The following DCHS2 variants were observed in gnomAD, a reference collection of about 807,000 sequenced individuals.
DCHS2 encodes the protein dachsous cadherin-related 2, also known as protocadherin-23.
In DCHS2, 142 loss-of-function variants were observed where a neutral mutation model predicts 182.4. The ratio of observed to expected loss-of-function variants is 0.78; its 90% CI spans 0.68 to 0.89. DCHS2 has a LOEUF of 0.89. DCHS2 is among the 40% of genes least tolerant of loss of function. DCHS2 has a pLI of 0.00. For synonymous variants in DCHS2, 1,740 were observed against 1,663.3 expected (o/e 1.05, Z -1.12); for missense variants, 4,319 against 4,198.6 (o/e 1.03, Z -0.79).
intron 1 of DCHS2, among the ~76,000 whole-genome samples, chr4:154,455,044 A>G (rs778117228): frequency 6.6e-6 from 1 of 152,254 alleles, no homozygotes; most frequent in African/African-American, 2.4e-5. Flanking sequence ...AAAATGTTAA[A>G]TAAGAAAAAT....
At position 154,322,465 on chromosome 4, in the gene DCHS2, T is replaced by C. The variant is rs751922561; in HGVS notation, c.4042A>G (p.Ile1348Val). 8 of 1,612,986 alleles carry C rather than the reference T, an allele frequency of 5.0e-6. No homozygotes were observed. The Admixed American group carries it at 1.3e-4, about 27-fold the overall frequency. The stretch of plus-strand genomic sequence containing the variant: ...CTTATTTCACCATTGTTGGCGTCAA[T>C]CTTAAAGTGATCAGAACTATCTTCT... ...SSEDSSDHFK[I>V]DANNGEIRTT... The change falls in exon 8 of 20, where the codon ATT becomes GTT. Residue 1348 changes from isoleucine (I) to valine (V), a missense_variant. Physicochemically the swap from Ile to Val is conservative, Grantham distance 29. Coordinates refer to ENST00000357232, the MANE Select transcript of DCHS2 (RefSeq NM_001358235.2).
At chr4:154,451,926 C>T (rs112930250) in intron 1 of DCHS2, among the ~76,000 whole-genome samples, 4 of 152,172 alleles carry the variant, frequency 2.6e-5, no homozygotes, top group Non-Finnish European at 4.4e-5. Context: ...TTGTGTCCCA[C>T]GTGCATGCTC....
rs1728714121 is a variant in DCHS2, at chr4:154,489,537, C to T, written c.1819G>A (p.Ala607Thr). ...VHTAECGPSF[A>T]IDSESGAIST... is the part of the protein sequence containing the mutation. The stretch of plus-strand genomic sequence containing the variant: ...ATCGCACCGCTTTCGGAATCAATGG[C>T]AAAAGATGGTCCACACTCTGCGGTG... Residue 607 changes from alanine (A) to threonine (T), a missense_variant, in exon 1 of 20, where the codon GCC (alanine) becomes ACC (threonine). By Grantham distance (58) the Ala-to-Thr change is moderately conservative. Coordinates refer to ENST00000357232, the MANE Select transcript of DCHS2 (RefSeq NM_001358235.2). 7.7e-6 allele frequency: 12 copies of T among 1,551,522 alleles called. No individual in the cohort carries two copies. Among genetic ancestry groups the T allele is most frequent in the Non-Finnish European group, 1.0e-5 (12 of 1,146,974 alleles).
intron 1 of DCHS2, among the ~76,000 whole-genome samples, chr4:154,417,089 C>A (rs1463349478): frequency 2.0e-4 from 30 of 151,388 alleles, no homozygotes; most frequent in Admixed American, 2.0e-3. Context: ...CTGTGAGAAG[C>A]CACACAAACG....
chr4:154,449,518 G>A (rs564028268), intron 1 of DCHS2, among the ~76,000 whole-genome samples: 8 of 151,936 alleles, frequency 5.3e-5, no homozygotes, highest in East Asian at 3.9e-4. Flanking sequence ...CTACAGGTGC[G>A]TGCCACCACA....
intron 1 of DCHS2, among the ~76,000 whole-genome samples, chr4:154,450,534 T>A (rs1734487944): frequency 6.6e-6 from 1 of 152,224 alleles, no homozygotes; most frequent in South Asian, 2.1e-4. Context: ...AATGCATCCA[T>A]CAAAAATTTA....
At chr4:154,429,908 T>C (rs905029045) in intron 1 of DCHS2, among the ~76,000 whole-genome samples, 4 of 152,158 alleles carry the variant, frequency 2.6e-5, no homozygotes, top group Non-Finnish European at 5.9e-5. Flanking sequence ...TGTGCCTCAG[T>C]TTCCACATCT....
At chr4:154,409,163 T>G (rs984746574) in intron 1 of DCHS2, among the ~76,000 whole-genome samples, 1 of 152,136 alleles carries the variant, frequency 6.6e-6, no homozygotes, top group Non-Finnish European at 1.5e-5. Flanking sequence ...CCTGTTTCCC[T>G]GGAAGTGGAG....
chr4:154,438,860 G>T (rs9884574), intron 1 of DCHS2, among the ~76,000 whole-genome samples: 69,877 of 151,962 alleles, frequency 0.46, 16,567 homozygotes, highest in Middle Eastern at 0.68. Flanking sequence ...CAAACACTCT[G>T]GTCATTAATC....
intron 1 of DCHS2, among the ~76,000 whole-genome samples, chr4:154,432,710 C>T (rs1386970900): frequency 2.0e-5 from 3 of 152,104 alleles, no homozygotes; most frequent in Non-Finnish European, 4.4e-5. Context: ...GCCCCAGATC[C>T]AGTCCTAACC....
chr4:154,408,665 G>C (rs1474396491), intron 1 of DCHS2, among the ~76,000 whole-genome samples: 1 of 152,106 alleles, frequency 6.6e-6, no homozygotes, highest in Non-Finnish European at 1.5e-5. Flanking sequence ...CTAAAGGAGA[G>C]TGCTGGAGTA....
Position 154,333,393 on chromosome 4 carries a change from C to T in DCHS2, c.2815G>A (p.Asp939Asn), listed in dbSNP as rs375834055. 6.2e-7 allele frequency: 1 copy of T among 1,613,972 alleles called. No homozygotes were observed. Among genetic ancestry groups the T allele is most frequent in the African/African-American group, 1.3e-5 (1 of 74,912 alleles). ...ACAACCACGGGCTGCGTCTCGTGAT[C>T]CAGGGGCTTCCGGGTGCGAATAGTG... ...LGTIRTRKPLDHETQPVVVLT... is the reference protein window; with the variant it reads ...LGTIRTRKPLNHETQPVVVLT... Residue 939 changes from aspartate to asparagine, a missense_variant, in exon 5 of 20, where the codon GAT becomes AAT. Asp to Asn is a conservative substitution (Grantham distance 23, BLOSUM62 1). Coordinates refer to ENST00000357232, the MANE Select transcript of DCHS2 (RefSeq NM_001358235.2).
chr4:154,268,307 G>A (rs1215914676), intron 14 of DCHS2, among the ~76,000 whole-genome samples: 2 of 149,626 alleles, frequency 1.3e-5, no homozygotes, highest in Admixed American at 6.7e-5. Flanking sequence ...TACTACACTC[G>A]TGCTTTGGGG....
chr4:154,434,299 A>G (rs1267664727), intron 1 of DCHS2, among the ~76,000 whole-genome samples: 1 of 152,132 alleles, frequency 6.6e-6, no homozygotes, highest in Non-Finnish European at 1.5e-5. Flanking sequence ...GTGTGCACCT[A>G]TAGCCCCAGC....
At chr4:154,309,185 A>G (rs541176455) in intron 10 of DCHS2, among the ~76,000 whole-genome samples, 3 of 152,214 alleles carry the variant, frequency 2.0e-5, no homozygotes, top group African/African-American at 4.8e-5. Context: ...AGTTCTTCAC[A>G]TGGTGTATTA....
chr4:154,235,550 T>C lies in DCHS2; in HGVS notation c.9102A>G (p.Ser3034=). ...TINNYEEKKT[S]SLDADLRVTR... is the part of the protein sequence containing the mutation. ...TCACTCTCAAGTCCGCATCTAAAGA[T>C]GAGGTTTTCTTCTCCTCATAATTGT... Residue 3034 remains serine, a synonymous_variant, in exon 20 of 20, where the codon TCA becomes TCG. Coordinates refer to ENST00000357232, the MANE Select transcript of DCHS2 (RefSeq NM_001358235.2). The C allele has an allele frequency of 6.2e-7, 1 of 1,614,108 alleles. No individual in the cohort carries two copies. Among genetic ancestry groups the C allele is most frequent in the Non-Finnish European group, 8.5e-7 (1 of 1,179,964 alleles).
chr4:154,348,411 T>C (rs1032994509), intron 3 of DCHS2, among the ~76,000 whole-genome samples: 2 of 152,086 alleles, frequency 1.3e-5, no homozygotes, highest in East Asian at 3.9e-4. Flanking sequence ...AAGAATCGAG[T>C]ATTATTTTAA....
chr4:154,380,335 G>T (rs1222744658), intron 1 of DCHS2, among the ~76,000 whole-genome samples: 1 of 151,888 alleles, frequency 6.6e-6, no homozygotes, highest in Non-Finnish European at 1.5e-5. Context: ...CTCATCAGTT[G>T]GGCTGAAGCA....
intron 10 of DCHS2, among the ~76,000 whole-genome samples, chr4:154,310,820 G>T (rs948266430): frequency 6.6e-6 from 1 of 152,190 alleles, no homozygotes; most frequent in Non-Finnish European, 1.5e-5. Flanking sequence ...GATCTGATGA[G>T]CAGAAAGTAG....
Sources: allele counts gnomAD v4.1 joint callset (sites outside exome capture counted in the v4.1 genomes callset), GRCh38; gene constraint gnomAD v4.1.1; transcripts MANE v1.5; gene names NCBI Gene and HGNC (gene_info 2026-07-23, HGNC 2026-07-21).